ZNF516: variants seen among roughly 807,000 people sequenced by gnomAD.
ZNF516 encodes the protein zinc finger protein 516.
A neutral mutation model predicts 79.7 loss-of-function variants in ZNF516; 19 were observed. The ratio of observed to expected loss-of-function variants is 0.24; its 90% CI spans 0.17 to 0.35. The LOEUF is 0.35. Among genes scored for constraint, ZNF516 ranks in the 10% least tolerant of loss-of-function variants. The probability of loss-of-function intolerance (pLI) is 1.00; values close to 1 mark genes in which losing one functional copy is unlikely to be tolerated. For synonymous variants in ZNF516, 877 were observed against 739.5 expected (o/e 1.19, Z -3.02); for missense variants, 1,678 against 1,679.5 (o/e 1.00, Z 0.02).
At chr18:76,390,501 G>A (rs1410339972) in intron 3 of ZNF516, among the ~76,000 whole-genome samples, 3 of 152,120 alleles carry the variant, frequency 2.0e-5, no homozygotes, top group South Asian at 2.1e-4. Context: ...TGCCCAAGAC[G>A]GCACCTGTCT....
intron 3 of ZNF516, among the ~76,000 whole-genome samples, chr18:76,415,040 A>C (rs112173155): frequency 2.0e-5 from 3 of 152,318 alleles, no homozygotes; most frequent in African/African-American, 7.2e-5. Context: ...TCTACTAAAA[A>C]TACAAAAATT....
At chr18:76,412,012 A>G (rs1002737402) in intron 3 of ZNF516, among the ~76,000 whole-genome samples, 1 of 152,170 alleles carries the variant, frequency 6.6e-6, no homozygotes, top group African/African-American at 2.4e-5. Context: ...CCCAGATCAT[A>G]AAACGTATCC....
At chr18:76,371,429 C>G (rs779303627) in intron 5 of ZNF516, 38 bp downstream of exon 5, 1 of 1,571,452 alleles carries the variant, frequency 6.4e-7, no homozygotes, top group Non-Finnish European at 8.6e-7. Flanking sequence ...CCCTCTTCCT[C>G]TGCTCCCCTT....
chr18:76,405,524 C>T (rs1251277066), intron 3 of ZNF516, among the ~76,000 whole-genome samples: 6 of 152,104 alleles, frequency 3.9e-5, no homozygotes, highest in Admixed American at 3.9e-4. Context: ...CCGGGAGGGG[C>T]GGCGTGGAGC....
intron 3 of ZNF516, among the ~76,000 whole-genome samples, chr18:76,433,043 G>A (rs8088247): frequency 0.018 from 2,674 of 152,224 alleles, 76 homozygotes; most frequent in African/African-American, 0.059. Flanking sequence ...GAGTGGCAAC[G>A]ACACTGAAAT....
intron 1 of ZNF516, chr18:76,492,745 C>T: frequency 1.0e-6 from 1 of 985,562 alleles, no homozygotes; most frequent in African/African-American, 1.7e-5. Flanking sequence ...CTCTTTTCTC[C>T]CCCTTCTGCA....
At chr18:76,424,579 A>AAC (rs1418317488) in intron 3 of ZNF516, among the ~76,000 whole-genome samples, 38 of 125,630 alleles carry the variant, frequency 3.0e-4, no homozygotes, top group Non-Finnish European at 5.5e-4. Flanking sequence ...GTTCCCCCGA[A>AAC]ACACACGCAG....
chr18:76,416,601 T>C (rs1158362854), intron 3 of ZNF516, among the ~76,000 whole-genome samples: 1 of 152,232 alleles, frequency 6.6e-6, no homozygotes, highest in African/African-American at 2.4e-5. Context: ...CAGAAACCAA[T>C]AGTTCCTAGT....
At chr18:76,423,440 G>C (rs1158142605) in intron 3 of ZNF516, among the ~76,000 whole-genome samples, 1 of 151,604 alleles carries the variant, frequency 6.6e-6, no homozygotes, top group Non-Finnish European at 1.5e-5. Flanking sequence ...AGGTGAAAAG[G>C]TTCCTCCTGA....
intron 3 of ZNF516, among the ~76,000 whole-genome samples, chr18:76,396,509 A>C (rs1599178183): frequency 6.6e-6 from 1 of 152,332 alleles, no homozygotes; most frequent in East Asian, 1.9e-4. Flanking sequence ...TAGTTAACAA[A>C]AAACTGGATT....
intron 6 of ZNF516, among the ~76,000 whole-genome samples, chr18:76,369,391 A>T (rs1353646968): frequency 6.6e-6 from 1 of 152,232 alleles, no homozygotes; most frequent in Non-Finnish European, 1.5e-5. Context: ...CTTTAACAAT[A>T]CACAGAAATT....
At chr18:76,431,171 C>T (rs2075655441) in intron 3 of ZNF516, among the ~76,000 whole-genome samples, 1 of 152,124 alleles carries the variant, frequency 6.6e-6, no homozygotes, top group East Asian at 1.9e-4. Context: ...GTCCAGCACA[C>T]AGAAAATTAT....
At chr18:76,494,644 G>T (rs932832739) in intron 1 of ZNF516, among the ~76,000 whole-genome samples, 29 of 152,120 alleles carry the variant, frequency 1.9e-4, no homozygotes, top group African/African-American at 7.0e-4. Context: ...GATCCCATCC[G>T]CCAAACCCTT....
chr18:76,419,389 C>T (rs1310482378), intron 3 of ZNF516, among the ~76,000 whole-genome samples: 1 of 152,210 alleles, frequency 6.6e-6, no homozygotes, highest in Non-Finnish European at 1.5e-5. Flanking sequence ...AATATCGTTA[C>T]CTATGAGCAG....
intron 2 of ZNF516, among the ~76,000 whole-genome samples, chr18:76,443,686 G>A (rs1333452906): frequency 6.6e-6 from 1 of 152,208 alleles, no homozygotes; most frequent in African/African-American, 2.4e-5. Context: ...CACACACACA[G>A]TCACGTGCCA....
chr18:76,434,468 G>A (rs529153445), intron 3 of ZNF516, among the ~76,000 whole-genome samples: 47 of 152,322 alleles, frequency 3.1e-4, no homozygotes, highest in African/African-American at 1.1e-3. Context: ...ATAAGAATCT[G>A]TAAACGCATC....
At chr18:76,489,586 C>CA (rs5826461) in intron 1 of ZNF516, among the ~76,000 whole-genome samples, 1,916 of 109,322 alleles carry the variant, frequency 0.018, 35 homozygotes, top group African/African-American at 0.036. Flanking sequence ...CAACATCTTA[C>CA]AAAAAAAAAA....
chr18:76,458,815 G>A (rs1196737309), intron 2 of ZNF516, among the ~76,000 whole-genome samples: 9 of 130,542 alleles, frequency 6.9e-5, no homozygotes, highest in Admixed American at 2.2e-4. Flanking sequence ...CCTCACCGTC[G>A]TGCGTGTGCG....
intron 3 of ZNF516, among the ~76,000 whole-genome samples, chr18:76,426,639 T>A (rs574843458): frequency 3.9e-5 from 6 of 152,152 alleles, no homozygotes; most frequent in African/African-American, 1.4e-4. Flanking sequence ...AAACACATTA[T>A]TTGAATGAAT....
Sources: allele counts gnomAD v4.1 joint callset (sites outside exome capture counted in the v4.1 genomes callset), GRCh38; gene constraint gnomAD v4.1.1; transcripts MANE v1.5; gene names NCBI Gene and HGNC (gene_info 2026-07-23, HGNC 2026-07-21).